The following BID variants were observed in gnomAD, a reference collection of about 807,000 sequenced individuals.
BID encodes BH3-interacting domain death agonist.
Under a neutral mutation model 17.4 loss-of-function variants are expected in BID, and 19 were observed. The observed-to-expected ratio is 1.09, with a 90% CI of 0.76 to 1.60. BID has a LOEUF of 1.60. BID is among the 40% of genes most tolerant of loss of function. BID has a pLI of 0.00. For missense variants in BID, 226 were observed against 256.0 expected (o/e 0.88, Z 0.80); for synonymous variants, 108 against 102.8 (o/e 1.05, Z -0.31).
At chr22:17,740,579 G>A (rs190418475) in intron 3 of BID, 19 of 176,012 alleles carry the variant, frequency 1.1e-4, no homozygotes, top group Admixed American at 4.0e-4. Flanking sequence ...ACAGGCGCCC[G>A]CCACCACACC....
chr22:17,749,906 G>A (rs8190291), intron 2 of BID, among the ~76,000 whole-genome samples, 199 bp downstream of exon 2: 4,342 of 152,306 alleles, frequency 0.029, 126 homozygotes, highest in African/African-American at 0.068. Flanking sequence ...CGAGGAAGGC[G>A]CAGGACAGGG....
chr22:17,750,220 G>A (rs1347470223), intron 1 of BID, 46 bp from the exon 2 acceptor site: 1 of 1,542,692 alleles, frequency 6.5e-7, no homozygotes, highest in Admixed American at 1.8e-5. Flanking sequence ...GGGAAGCCCT[G>A]GTCAGGACCC....
rs952377551 is a variant in BID at position 17,743,798 on chromosome 22, C to T, written c.223+5G>A. The T allele has an allele frequency of 1.2e-6, 2 of 1,608,508 alleles. No individual in the cohort carries two copies. The highest frequency in any genetic ancestry group is 1.7e-5 in the Admixed American group (1 of 59,664). The stretch of plus-strand genomic sequence containing the variant: ...TTGGGGAAGGAGGTGGGGCCGGCCG[C>T]CTACCTGCCTCTATTCTTCCCAAGC... On this transcript the variant is annotated splice_donor_5th_base_variant and intron_variant, in intron 3 of 5. Transcript: ENST00000622694.
intron 1 of BID, among the ~76,000 whole-genome samples, chr22:17,763,007 G>C (rs1016854230): frequency 2.0e-5 from 3 of 151,876 alleles, no homozygotes; most frequent in African/African-American, 7.3e-5. Flanking sequence ...CTCCCGAGTA[G>C]CTGGGACTAC....
At position 17,738,104 on chromosome 22, in the gene BID, C is replaced by T. The variant is rs1019413784; in HGVS notation, c.489G>A (p.Thr163=). ...LLLAKKVASH[T]PSLLRDVFHT... ...GAAAGACATCACGGAGCAAGGACGG[C>T]GTGTGACTGGCCACCTTCTTGGCCA... Residue 163 remains threonine, a synonymous_variant, in exon 5 of 6, where the codon ACG becomes ACA. Transcript: ENST00000622694. 6.2e-6 allele frequency: 10 copies of T among 1,614,156 alleles called. No homozygotes were observed. Among genetic ancestry groups the T allele is most frequent in the Admixed American group, 1.7e-5 (1 of 60,024 alleles).
chr22:17,750,018 C>T, intron 2 of BID, 87 bp downstream of exon 2: 4 of 1,358,796 alleles, frequency 2.9e-6, no homozygotes, highest in Non-Finnish European at 4.1e-6. Flanking sequence ...AGCCTCAGCC[C>T]TCAGGGATGC....
Position 17,773,760 on chromosome 22 carries a change from T to G in BID, c.-59+621A>C. 1.4e-5 allele frequency: 20 copies of G among 1,435,830 alleles called. No homozygotes were observed. The highest frequency in any genetic ancestry group is 1.7e-5 in the Non-Finnish European group (18 of 1,044,296). The allele number at this position is 1,435,830 out of a possible 1,614,324, so 88.9% of individuals were successfully genotyped here. A position where few individuals can be genotyped will look rare whatever the true frequency, so the allele number is the denominator to read the frequency against. The stretch of plus-strand genomic sequence containing the variant: ...TTGGTGGCTGAGGGCTTCAGAGCTC[T>G]CCCAGGGTCCCCTGGGGTCATTCAG... On this transcript the variant is annotated intron_variant, in intron 1 of 5. Coordinates refer to ENST00000622694, the MANE Select transcript of BID (RefSeq NM_001196.4). The surrounding 1 kb of genome is among the most constrained non-coding windows in gnomAD (Gnocchi z 4.4).
intron 3 of BID, among the ~76,000 whole-genome samples, chr22:17,742,153 G>A (rs562044338): frequency 1.3e-5 from 2 of 152,190 alleles, no homozygotes; most frequent in Non-Finnish European, 2.9e-5. Flanking sequence ...CTCTTTCCAG[G>A]CTCGCCAGGG....
At chr22:17,744,106 TCA>T in intron 2 of BID, 93 bp from the exon 3 acceptor site, 2 of 1,186,878 alleles carry the variant, frequency 1.7e-6, no homozygotes. Flanking sequence ...CCAAAGAGCC[TCA>T]CAGGTCCCAG....
rs200739910 is a variant in BID at position 17,739,403 on chromosome 22, C to T, written c.309G>A (p.Pro103=). Residue 103 remains proline, a synonymous_variant, in exon 4 of 6, where the codon CCG becomes CCA. Transcript: ENST00000622694. ...GCAGGGCCAGGCCGTTCACCAGGCC[C>T]GGAGGGATGCTACGGTCCATGCTGT... ...VGDSMDRSIP[P]GLVNGLALQL... is the part of the protein sequence containing the mutation. 59 of 1,610,790 alleles carry T rather than the reference C, an allele frequency of 3.7e-5. No homozygotes were observed. Among genetic ancestry groups the T allele is most frequent in the East Asian group, 2.7e-4 (12 of 44,872 alleles).
intron 1 of BID, among the ~76,000 whole-genome samples, chr22:17,761,020 C>T (rs999717206): frequency 6.6e-6 from 1 of 152,202 alleles, no homozygotes; most frequent in Non-Finnish European, 1.5e-5. Flanking sequence ...ACACACCGAA[C>T]CAAGGAGCTG....
At chr22:17,756,399 TTTTC>T (rs1368237190) in intron 1 of BID, among the ~76,000 whole-genome samples, 1 of 30,020 alleles carries the variant, frequency 3.3e-5, no homozygotes, top group Admixed American at 4.1e-4. Flanking sequence ...TCTTTCTTTC[TTTTC>T]TTTTTTCTCT....
intron 1 of BID, among the ~76,000 whole-genome samples, chr22:17,752,906 C>T (rs2061550732): frequency 6.6e-6 from 1 of 151,054 alleles, no homozygotes; most frequent in Non-Finnish European, 1.5e-5. Flanking sequence ...ACCTCGTGAT[C>T]CGCCCGTCTT....
At chr22:17,741,470 T>A (rs2061458900) in intron 3 of BID, among the ~76,000 whole-genome samples, 1 of 147,822 alleles carries the variant, frequency 6.8e-6, no homozygotes, top group Non-Finnish European at 1.5e-5. Flanking sequence ...TCACTGTAGC[T>A]TTTTTTTTTC....
intron 2 of BID, among the ~76,000 whole-genome samples, chr22:17,744,788 A>C (rs577728134): frequency 1.3e-5 from 2 of 152,314 alleles, no homozygotes; most frequent in South Asian, 4.1e-4. Context: ...GTATTCTTAC[A>C]GGCAAAGGTG....
chr22:17,740,806 G>C (rs2061454123), intron 3 of BID: 1 of 152,780 alleles, frequency 6.5e-6, no homozygotes, highest in Admixed American at 6.5e-5. Context: ...GAGGTGGGAG[G>C]ACTCCTTGAG....
intron 3 of BID, chr22:17,740,258 G>A: frequency 8.0e-7 from 1 of 1,248,436 alleles, no homozygotes; most frequent in Non-Finnish European, 1.1e-6. Context: ...CTTAATACAT[G>A]GCACTCAGTA....
intron 1 of BID, among the ~76,000 whole-genome samples, chr22:17,768,669 C>T (rs529813064): frequency 1.5e-4 from 23 of 152,248 alleles, no homozygotes; most frequent in Non-Finnish European, 2.8e-4. Flanking sequence ...GTCAGGAGAT[C>T]GAGACCATCC....
chr22:17,735,647 CT>C, intron 5 of BID, 56 bp from the exon 6 acceptor site: 2 of 1,608,180 alleles, frequency 1.2e-6, no homozygotes, highest in South Asian at 2.2e-5. Flanking sequence ...ACAAACCAGG[CT>C]CCAGAGCTCT....
Sources: gnomAD v4.1 joint callset for allele counts (sites outside exome capture counted in the v4.1 genomes callset) on GRCh38, gnomAD v4.1.1 for gene constraint, Gnocchi (gnomAD v3.1) non-coding constraint, MANE v1.5 for transcripts, NCBI Gene and HGNC (gene_info 2026-07-23, HGNC 2026-07-21) for gene names.